SNTB2: variants seen among roughly 807,000 people sequenced by gnomAD.
The protein encoded by SNTB2 is syntrophin beta 2, also known as beta-2-syntrophin.
A neutral mutation model predicts 46.2 loss-of-function variants in SNTB2; 34 were observed. The ratio of observed to expected loss-of-function variants is 0.74; its 90% CI spans 0.56 to 0.98. The LOEUF is 0.98. Ranked by LOEUF, SNTB2 falls within the 50% of genes least tolerant of loss-of-function variation. The pLI is 0.00. For synonymous variants in SNTB2, 290 were observed against 312.6 expected, an observed-to-expected ratio of 0.93 and a Z score of 0.76; for missense variants, 603 against 731.4, an observed-to-expected ratio of 0.82 and a Z score of 2.02.
At chr16:69,287,232 T>A (rs987630722) in intron 5 of SNTB2, among the ~76,000 whole-genome samples, 12 of 152,280 alleles carry the variant, frequency 7.9e-5, no homozygotes, top group South Asian at 2.1e-4. Flanking sequence ...TCTTTTTTTT[T>A]AAATTGTTTT....
intron 5 of SNTB2, among the ~76,000 whole-genome samples, chr16:69,291,551 T>A (rs1268217006): frequency 6.6e-6 from 1 of 151,592 alleles, no homozygotes; most frequent in Middle Eastern, 3.4e-3. Context: ...CATCTCTATT[T>A]AAAAAAAATG....
At chr16:69,211,089 A>G (rs890798303) in intron 1 of SNTB2, among the ~76,000 whole-genome samples, 1 of 152,266 alleles carries the variant, frequency 6.6e-6, no homozygotes, top group African/African-American at 2.4e-5. Context: ...TTGGCCTCCC[A>G]AAAGTGTCCA....
intron 1 of SNTB2, among the ~76,000 whole-genome samples, chr16:69,219,707 G>GATTTT (rs796669783): frequency 8.1e-5 from 12 of 147,964 alleles, no homozygotes; most frequent in Admixed American, 2.7e-4. Context: ...ATAGAAACCA[G>GATTTT]ATTTTATTTT....
intron 1 of SNTB2, among the ~76,000 whole-genome samples, chr16:69,216,686 C>G (rs1331251335): frequency 2.6e-5 from 4 of 151,614 alleles, no homozygotes; most frequent in Non-Finnish European, 1.5e-5. Context: ...AGACCCTGCC[C>G]CCCCCCCAAA....
chr16:69,244,342 G>A (rs951910759), intron 1 of SNTB2, among the ~76,000 whole-genome samples: 1 of 152,216 alleles, frequency 6.6e-6, no homozygotes. Context: ...ATGTGTATGT[G>A]TTTATTTTCA....
In SNTB2 at chr16:69,187,421, G is replaced by A; in HGVS notation, c.255G>A (p.Gly85=). 2 of 1,215,880 alleles carry A rather than the reference G, an allele frequency of 1.6e-6. No homozygotes were observed. Among genetic ancestry groups the A allele is most frequent in the Non-Finnish European group, 2.0e-6 (2 of 979,778 alleles). The allele number at this position is 1,215,880 out of a possible 1,614,324, so 75.3% of individuals were successfully genotyped here. A position where few individuals can be genotyped will look rare whatever the true frequency, so the allele number is the denominator to read the frequency against. The change falls in exon 1 of 7, where the codon GGG becomes GGA. Residue 85 remains glycine, a synonymous_variant. Transcript: ENST00000336278. ...NGGGAGDSLP[G]SPSRGLGPPS... ...GCGGCGCGGGCGACTCGCTGCCCGG[G>A]AGCCCAAGCCGCGGCCTGGGGCCCC...
At chr16:69,261,133 G>A (rs1011782595) in intron 3 of SNTB2, among the ~76,000 whole-genome samples, 2 of 151,880 alleles carry the variant, frequency 1.3e-5, no homozygotes, top group Non-Finnish European at 2.9e-5. Context: ...GAGTCTTTTC[G>A]AAACTTACGT....
chr16:69,231,771 A>G (rs1049872061), intron 1 of SNTB2, among the ~76,000 whole-genome samples: 1 of 152,228 alleles, frequency 6.6e-6, no homozygotes, highest in Middle Eastern at 3.2e-3. Context: ...TTCCACAGGG[A>G]AATTTACTGG....
chr16:69,244,104 G>C (rs772069951), intron 1 of SNTB2, among the ~76,000 whole-genome samples: 4 of 152,094 alleles, frequency 2.6e-5, no homozygotes, highest in Non-Finnish European at 4.4e-5. Context: ...TTGTAGATGA[G>C]GACCTCAGAA....
At chr16:69,298,979 C>T in intron 5 of SNTB2, among the ~76,000 whole-genome samples, 1 of 152,142 alleles carries the variant, frequency 6.6e-6, no homozygotes, top group Non-Finnish European at 1.5e-5. Flanking sequence ...TTTACAAAGT[C>T]CTTGAGAGCA....
At chr16:69,270,725 T>C (rs1006638292) in intron 4 of SNTB2, among the ~76,000 whole-genome samples, 2 of 152,210 alleles carry the variant, frequency 1.3e-5, no homozygotes, top group Non-Finnish European at 2.9e-5. Context: ...CTCTTTCTAA[T>C]GTAAGAACAC....
At chr16:69,203,537 G>C (rs558345518) in intron 1 of SNTB2, among the ~76,000 whole-genome samples, 2 of 151,586 alleles carry the variant, frequency 1.3e-5, no homozygotes, top group South Asian at 4.2e-4. Flanking sequence ...ACAGGATATT[G>C]CTCTGTTGCC....
At chr16:69,278,327 T>TAAAAA (rs539105579) in intron 4 of SNTB2, among the ~76,000 whole-genome samples, 1 of 150,124 alleles carries the variant, frequency 6.7e-6, no homozygotes, top group Non-Finnish European at 1.5e-5. Context: ...AAATGAAAAT[T>TAAAAA]AAAAAAAAAG....
intron 4 of SNTB2, among the ~76,000 whole-genome samples, chr16:69,272,721 G>A (rs1378593918): frequency 2.0e-5 from 3 of 150,294 alleles, no homozygotes; most frequent in East Asian, 2.0e-4. Context: ...GTGAAACCCC[G>A]TCCCTACTAA....
At chr16:69,221,317 C>A (rs1964401885) in intron 1 of SNTB2, among the ~76,000 whole-genome samples, 1 of 152,126 alleles carries the variant, frequency 6.6e-6, no homozygotes, top group Non-Finnish European at 1.5e-5. Flanking sequence ...ATGCTTGATA[C>A]ATGATTTTCT....
At chr16:69,219,242 T>C (rs1443427414) in intron 1 of SNTB2, among the ~76,000 whole-genome samples, 1 of 152,178 alleles carries the variant, frequency 6.6e-6, no homozygotes, top group Non-Finnish European at 1.5e-5. Flanking sequence ...CTACAGTTGA[T>C]TGATATTAGG....
intron 1 of SNTB2, among the ~76,000 whole-genome samples, chr16:69,203,890 C>T (rs1964189192): frequency 6.6e-6 from 1 of 151,720 alleles, no homozygotes; most frequent in Non-Finnish European, 1.5e-5. Flanking sequence ...CCTCAGCCTC[C>T]CAATTATTAT....
chr16:69,248,578 G>T (rs1163408680), intron 2 of SNTB2, among the ~76,000 whole-genome samples: 1 of 152,192 alleles, frequency 6.6e-6, no homozygotes, highest in Non-Finnish European at 1.5e-5. Flanking sequence ...GTTGTAGTGA[G>T]CCGAGATTGC....
chr16:69,212,203 T>A (rs1256292309), intron 1 of SNTB2, among the ~76,000 whole-genome samples: 1 of 152,272 alleles, frequency 6.6e-6, no homozygotes, highest in East Asian at 1.9e-4. Flanking sequence ...GCAGGCTTAT[T>A]TCTAGGTTAT....
Sources: allele counts gnomAD v4.1 joint callset (sites outside exome capture counted in the v4.1 genomes callset), GRCh38; gene constraint gnomAD v4.1.1; transcripts MANE v1.5; gene names NCBI Gene and HGNC (gene_info 2026-07-23, HGNC 2026-07-21).